Variants in SESTD1 observed in about 807,000 individuals in gnomAD.
The protein encoded by SESTD1 is SEC14 and spectrin domain containing 1, also known as SEC14 domain and spectrin repeat-containing protein 1.
A neutral mutation model predicts 101.7 loss-of-function variants in SESTD1; 43 were observed. The observed-to-expected ratio is 0.42, with a 90% CI of 0.33 to 0.55. The LOEUF (loss-of-function observed/expected upper bound fraction) is 0.55. Ranked by LOEUF, SESTD1 falls within the 20% of genes least tolerant of loss-of-function variation. The pLI is 0.07. For synonymous variants in SESTD1, 283 were observed against 286.8 expected, an observed-to-expected ratio of 0.99 and a Z score of 0.13; for missense variants, 647 against 815.1, an observed-to-expected ratio of 0.79 and a Z score of 2.51.
At position 179,205,561 on chromosome 2, in the gene SESTD1, T is replaced by C. The variant is rs1453756433; in HGVS notation, c.-25-13695A>G. Among the ~76,000 whole-genome samples, 4 of 135,594 alleles carry C rather than the reference T, an allele frequency of 2.9e-5. 1 individual carries two copies. The highest frequency in any genetic ancestry group is 2.9e-4 in the Admixed American group (4 of 13,934). The allele number at this position is 135,594 out of a possible 152,430, so 89.0% of individuals were successfully genotyped here. ...CAGAAGCAATCTTCCATTTCATCAC[T>C]AACTATCTCCTGAGAGATGGGTGCT... On this transcript the variant is annotated intron_variant, in intron 1 of 17. Transcript: ENST00000428443.
intron 10 of SESTD1, among the ~76,000 whole-genome samples, chr2:179,124,921 A>T (rs1374952669): frequency 6.6e-6 from 1 of 152,074 alleles, no homozygotes; most frequent in African/African-American, 2.4e-5. Flanking sequence ...AAAAAACCGT[A>T]TCCCCTTTGA....
intron 13 of SESTD1, 101 bp from the exon 14 acceptor site, chr2:179,117,714 C>CTT (rs1167970607): frequency 4.2e-5 from 38 of 906,252 alleles, no homozygotes; most frequent in Non-Finnish European, 6.1e-5. Context: ...CACTAAAATA[C>CTT]TTAGTCCTAA....
intron 1 of SESTD1, among the ~76,000 whole-genome samples, chr2:179,196,615 A>C (rs1275451423): frequency 1.3e-5 from 2 of 152,210 alleles, no homozygotes; most frequent in African/African-American, 4.8e-5. Flanking sequence ...AGATCTGAGA[A>C]TGGGCAGACT....
chr2:179,180,486 C>T (rs873023), intron 3 of SESTD1, among the ~76,000 whole-genome samples: 122,869 of 152,062 alleles, frequency 0.81, 49,791 homozygotes, highest in South Asian at 0.92. Flanking sequence ...AATGTAGATA[C>T]ACCAGAAATG....
intron 1 of SESTD1, among the ~76,000 whole-genome samples, chr2:179,200,821 A>G (rs2046497946): frequency 7.4e-6 from 1 of 134,976 alleles, no homozygotes; most frequent in Non-Finnish European, 1.6e-5. Context: ...TAAAAACCCT[A>G]GAAGAAAACC....
chr2:179,109,441 TC>T lies in SESTD1; in HGVS notation c.*457del, dbSNP rs2044459067. The T allele has an allele frequency of 2.9e-6, 1 of 340,452 alleles. No homozygotes were observed. The highest frequency in any genetic ancestry group is 1.5e-4 in the South Asian group (1 of 6,532). 21.1% of individuals were successfully genotyped at this position (340,452 alleles called of 1,614,324 possible). ...CTCTGTATTGACACAATAAAAATAA[TC>T]AATTCTGAAGAATTACAAAGTAAAA... On this transcript the variant is annotated 3_prime_UTR_variant, in exon 18 of 18. Coordinates refer to ENST00000428443, the MANE Select transcript of SESTD1 (RefSeq NM_178123.5).
intron 1 of SESTD1, among the ~76,000 whole-genome samples, chr2:179,237,592 T>G (rs2047087766): frequency 6.6e-6 from 1 of 152,202 alleles, no homozygotes; most frequent in Admixed American, 6.5e-5. Flanking sequence ...AGTTTGGAGA[T>G]AATTTTAAGG....
chr2:179,135,707 T>C (rs2045127061), intron 9 of SESTD1, among the ~76,000 whole-genome samples: 1 of 152,280 alleles, frequency 6.6e-6, no homozygotes, highest in African/African-American at 2.4e-5. Context: ...AAGCTGAGAC[T>C]GCACCACTGC....
At chr2:179,255,742 A>G (rs991110972) in intron 1 of SESTD1, among the ~76,000 whole-genome samples, 1 of 152,250 alleles carries the variant, frequency 6.6e-6, no homozygotes, top group South Asian at 2.1e-4. Context: ...ATGTAGATGA[A>G]ACAGCCTTCT....
chr2:179,225,415 AT>A (rs1250822848), intron 1 of SESTD1, among the ~76,000 whole-genome samples: 1 of 152,096 alleles, frequency 6.6e-6, no homozygotes, highest in African/African-American at 2.4e-5. Context: ...ATAATTATTC[AT>A]TTTTTTAAAG....
chr2:179,130,177 G>A (rs1164869885), intron 10 of SESTD1, among the ~76,000 whole-genome samples: 1 of 152,032 alleles, frequency 6.6e-6, no homozygotes, highest in East Asian at 1.9e-4. Context: ...AAATTTAGTA[G>A]CTTTCTCTAA....
intron 12 of SESTD1, among the ~76,000 whole-genome samples, chr2:179,122,693 C>A (rs979461572): frequency 2.0e-5 from 3 of 152,090 alleles, no homozygotes; most frequent in Non-Finnish European, 4.4e-5. Flanking sequence ...AGCTCGAGAC[C>A]AGCCTGGCCA....
rs2044725380 is a variant in SESTD1 at position 179,120,451 on chromosome 2, T to C, written c.1442+1319A>G. 2.6e-5 allele frequency among the ~76,000 whole-genome samples: 4 copies of C among 152,098 alleles called. No individual in the cohort carries two copies. In the South Asian group the frequency reaches 8.3e-4, roughly 32 times the overall value. On this transcript the variant is annotated intron_variant, in intron 13 of 17. Coordinates refer to ENST00000428443, the MANE Select transcript of SESTD1 (RefSeq NM_178123.5). The stretch of plus-strand genomic sequence containing the variant: ...AAGTAGTGAGAATGTCCAGGGAGAA[T>C]ATATAAAGAAGGGAATCTGGCCTCA...
At chr2:179,167,021 CA>C (rs1354376135) in intron 5 of SESTD1, among the ~76,000 whole-genome samples, 1 of 152,000 alleles carries the variant, frequency 6.6e-6, no homozygotes, top group Non-Finnish European at 1.5e-5. Context: ...ACAAGGCACA[CA>C]CAAAAAAGGA....
intron 5 of SESTD1, among the ~76,000 whole-genome samples, chr2:179,158,146 A>G (rs915042282): frequency 5.3e-5 from 8 of 152,190 alleles, no homozygotes; most frequent in Non-Finnish European, 1.5e-5. Context: ...AAGACAATCT[A>G]AAGGAATTCA....
At chr2:179,194,487 G>A (rs775068802) in intron 1 of SESTD1, among the ~76,000 whole-genome samples, 1 of 152,072 alleles carries the variant, frequency 6.6e-6, no homozygotes, top group South Asian at 2.1e-4. Flanking sequence ...TACCTCACTT[G>A]GCAGGACATG....
intron 2 of SESTD1, among the ~76,000 whole-genome samples, chr2:179,185,390 GTATA>G (rs201661672): frequency 1.4e-5 from 2 of 143,992 alleles, no homozygotes; most frequent in East Asian, 4.0e-4. Flanking sequence ...ATTACATATT[GTATA>G]TATAGTATAT....
At chr2:179,193,625 G>A (rs1424800845) in intron 1 of SESTD1, among the ~76,000 whole-genome samples, 3 of 152,116 alleles carry the variant, frequency 2.0e-5, no homozygotes, top group African/African-American at 7.2e-5. Flanking sequence ...TGTTTTAAAC[G>A]ATTTCTTTTT....
At chr2:179,110,407 G>A (rs1287977921) in intron 17 of SESTD1, among the ~76,000 whole-genome samples, 1 of 151,950 alleles carries the variant, frequency 6.6e-6, no homozygotes, top group Non-Finnish European at 1.5e-5. Flanking sequence ...CTATAGAGCT[G>A]GCAAGCAAAA....
Sources: allele counts gnomAD v4.1 joint callset (sites outside exome capture counted in the v4.1 genomes callset), GRCh38; gene constraint gnomAD v4.1.1; transcripts MANE v1.5; gene names NCBI Gene and HGNC (gene_info 2026-07-23, HGNC 2026-07-21).